CDRT4: variants seen among roughly 807,000 people sequenced by gnomAD.
The protein encoded by CDRT4 is CMT1A duplicated region transcript 4.
For missense variants in CDRT4, 167 were observed against 193.1 expected (o/e 0.87, Z 0.80); for synonymous variants, 64 against 69.6 (o/e 0.92, Z 0.40).
At chr17:15,455,483 C>T (rs1979445355) in intron 1 of CDRT4, among the ~76,000 whole-genome samples, 1 of 152,168 alleles carries the variant, frequency 6.6e-6, no homozygotes, top group Non-Finnish European at 1.5e-5. Context: ...CTTGTGAAAT[C>T]CCCTCCCCTG....
chr17:15,445,415 T>C (rs1411580495), intron 2 of CDRT4, among the ~76,000 whole-genome samples: 1 of 152,216 alleles, frequency 6.6e-6, no homozygotes, highest in African/African-American at 2.4e-5. Context: ...GAGCAGGATT[T>C]TCAGAGTCTG....
At chr17:15,465,407 AAC>A (rs1406610024) in intron 1 of CDRT4, among the ~76,000 whole-genome samples, 1 of 148,318 alleles carries the variant, frequency 6.7e-6, no homozygotes, top group African/African-American at 2.5e-5. Context: ...ACACACACAC[AAC>A]ACACACCAAC....
chr17:15,443,206 G>A (rs1283745319), intron 2 of CDRT4, among the ~76,000 whole-genome samples: 2 of 151,930 alleles, frequency 1.3e-5, no homozygotes, highest in Admixed American at 1.3e-4. Context: ...TAGGACCTCA[G>A]TTGTCACTTA....
At chr17:15,451,767 A>G (rs1449876219) in intron 2 of CDRT4, among the ~76,000 whole-genome samples, 3 of 152,242 alleles carry the variant, frequency 2.0e-5, no homozygotes, top group Non-Finnish European at 4.4e-5. Flanking sequence ...TTCCCTGACT[A>G]TGTAACATCA....
chr17:15,437,727 C>T lies in CDRT4; in HGVS notation c.*46G>A, dbSNP rs1191252629. The T allele has an allele frequency of 2.5e-6, 4 of 1,582,340 alleles. No homozygotes were observed. The highest frequency in any genetic ancestry group is 1.3e-5 in the African/African-American group (1 of 74,154). ...ACTTTTGTACGTTCTTGGGGAATGG[C>T]TGCAGGGACCCCTGGCTAAAACATT... On this transcript the variant is annotated 3_prime_UTR_variant, in exon 4 of 4. Coordinates refer to ENST00000619038, the MANE Select transcript of CDRT4 (RefSeq NM_001204477.2).
chr17:15,445,052 C>T (rs1323894484), intron 2 of CDRT4, among the ~76,000 whole-genome samples: 3 of 152,312 alleles, frequency 2.0e-5, no homozygotes, highest in South Asian at 2.1e-4. Context: ...AAGGATTTTA[C>T]GGGTTCCAGG....
intron 2 of CDRT4, chr17:15,444,153 G>A (rs1978909663): frequency 4.0e-6 from 5 of 1,254,540 alleles, no homozygotes; most frequent in Non-Finnish European, 5.7e-6. Context: ...TGGTATATAT[G>A]TCTCTGAAAA....
Position 15,450,661 on chromosome 17 carries a change from A to G in CDRT4, c.-48+2343T>C, listed in dbSNP as rs1979218899. Among the ~76,000 whole-genome samples the G allele has an allele frequency of 6.6e-6, 1 of 152,058 alleles. No individual in the cohort carries two copies. Among genetic ancestry groups the G allele is most frequent in the African/African-American group, 2.4e-5 (1 of 41,380 alleles). ...TCTCATCAATTTGCCACATCTAACT[A>G]GACTGACTTCTTTCCCAAAGTCCAA... On this transcript the variant is annotated intron_variant, in intron 2 of 3. Transcript: ENST00000619038. The surrounding 1 kb of genome is among the most constrained non-coding windows in gnomAD (Gnocchi z 4.2).
intron 2 of CDRT4, among the ~76,000 whole-genome samples, chr17:15,442,583 C>G (rs1361134445): frequency 6.6e-6 from 1 of 152,166 alleles, no homozygotes; most frequent in Non-Finnish European, 1.5e-5. Flanking sequence ...CTCAGGAAAG[C>G]CCAGTCTTAC....
At chr17:15,443,274 TTTTC>T (rs1315246790) in intron 2 of CDRT4, among the ~76,000 whole-genome samples, 2 of 146,646 alleles carry the variant, frequency 1.4e-5, no homozygotes, top group Non-Finnish European at 3.0e-5. Flanking sequence ...TAATTTCTTT[TTTTC>T]TTTCTTTTTT....
At chr17:15,455,252 CCT>C (rs761945876) in intron 1 of CDRT4, among the ~76,000 whole-genome samples, 3 of 152,170 alleles carry the variant, frequency 2.0e-5, no homozygotes, top group Non-Finnish European at 2.9e-5. Flanking sequence ...ATTTTTTGCC[CCT>C]GAGAAGTCTC....
intron 1 of CDRT4, among the ~76,000 whole-genome samples, chr17:15,457,691 C>T (rs1376468933): frequency 6.6e-6 from 1 of 152,212 alleles, no homozygotes; most frequent in African/African-American, 2.4e-5. Context: ...GAATGTGGAG[C>T]CAGCAGGGTC....
intron 2 of CDRT4, 68 bp from the exon 3 acceptor site, chr17:15,440,353 T>C (rs1978702068): frequency 6.4e-7 from 1 of 1,557,898 alleles, no homozygotes; most frequent in South Asian, 1.1e-5. Flanking sequence ...CCACCCTGGG[T>C]GGGGGTGGTT....
chr17:15,455,656 A>C (rs1277630891), intron 1 of CDRT4, among the ~76,000 whole-genome samples: 2 of 152,208 alleles, frequency 1.3e-5, no homozygotes, highest in Non-Finnish European at 2.9e-5. Flanking sequence ...CTGCCATGTT[A>C]CAAACTGCCC....
chr17:15,460,011 C>T (rs769186841), intron 1 of CDRT4, among the ~76,000 whole-genome samples: 1 of 152,128 alleles, frequency 6.6e-6, no homozygotes, highest in Non-Finnish European at 1.5e-5. Flanking sequence ...GCACCCTTCA[C>T]GTCTTCATCT....
intron 1 of CDRT4, among the ~76,000 whole-genome samples, chr17:15,457,580 A>G (rs1000490720): frequency 1.3e-5 from 2 of 152,228 alleles, no homozygotes; most frequent in Non-Finnish European, 2.9e-5. Context: ...TTGGAGCTGC[A>G]ACGTGGAGCC....
chr17:15,439,404 T>C (rs1978651315), intron 3 of CDRT4, among the ~76,000 whole-genome samples: 2 of 152,342 alleles, frequency 1.3e-5, no homozygotes, highest in African/African-American at 2.4e-5. Flanking sequence ...GAATGTGCTG[T>C]AGAAGGATTC....
intron 2 of CDRT4, among the ~76,000 whole-genome samples, chr17:15,451,307 G>A (rs746632093): frequency 3.3e-5 from 5 of 152,182 alleles, no homozygotes; most frequent in Non-Finnish European, 5.9e-5. Context: ...ATGTGGAACT[G>A]TGAATCCATT....
intron 1 of CDRT4, among the ~76,000 whole-genome samples, chr17:15,457,316 G>C (rs931419487): frequency 1.3e-5 from 2 of 152,132 alleles, no homozygotes; most frequent in Admixed American, 1.3e-4. Flanking sequence ...CAAAAACTCA[G>C]CTTGTTCTCA....
Sources: gnomAD v4.1 joint callset for allele counts (sites outside exome capture counted in the v4.1 genomes callset) on GRCh38, gnomAD v4.1.1 for gene constraint, Gnocchi (gnomAD v3.1) non-coding constraint, MANE v1.5 for transcripts, NCBI Gene and HGNC (gene_info 2026-07-23, HGNC 2026-07-21) for gene names.